CHD3: variants seen among roughly 807,000 people sequenced by gnomAD.
CHD3 encodes the protein ATP-dependent chromatin remodeler CHD3.
In CHD3, 52 loss-of-function variants were observed where a neutral mutation model predicts 248.9. That is an observed-to-expected ratio of 0.21 (90% confidence interval 0.17 to 0.26). The LOEUF (loss-of-function observed/expected upper bound fraction) is 0.26. Among genes scored for constraint, CHD3 ranks in the 10% least tolerant of loss-of-function variants. CHD3 has a pLI of 1.00. For synonymous variants in CHD3, 985 were observed against 985.2 expected (o/e 1.00, Z 0.00); for missense variants, 1,482 against 2,605.8 (o/e 0.57, Z 9.39).
rs920695994 is a variant in CHD3 at position 7,895,828 on chromosome 17, G to A, written c.1707+286G>A. On this transcript the variant is annotated intron_variant, in intron 10 of 39. Coordinates refer to ENST00000330494, the MANE Select transcript of CHD3 (RefSeq NM_001005273.3). This position sits in a 1 kb window ranked among gnomAD's most constrained non-coding sequence, Gnocchi z 4.9. ...CCATGTTTTATAATATTCCTGGCTG[G>A]GCATGGTGGCTCACACCTATAATCC... Among the ~76,000 whole-genome samples, 1 of 151,974 alleles carries A rather than the reference G, an allele frequency of 6.6e-6. No individual in the cohort carries two copies. The highest frequency in any genetic ancestry group is 2.4e-5 in the African/African-American group (1 of 41,360).
Position 7,895,489 on chromosome 17 carries a change from G to A in CHD3, c.1654G>A (p.Val552Ile). ...LQGRSEREFF[V>I]KWVGLSYWHC... ...AGGCAGATCAGAGCGAGAGTTCTTTGTCAAGTGGGTAGGACTATCCTACTG... is the reference window on the plus strand; with the variant it reads ...AGGCAGATCAGAGCGAGAGTTCTTTATCAAGTGGGTAGGACTATCCTACTG... The change falls in exon 10 of 40, where the codon GTC (valine) becomes ATC (isoleucine). Residue 552 changes from valine to isoleucine, a missense_variant. This residue lies in a region of CHD3 where 14 missense variants were observed against 58.6 expected (regional missense o/e 0.24). Transcript: ENST00000330494. The surrounding 1 kb of genome is among the most constrained non-coding windows in gnomAD (Gnocchi z 4.9). 6.2e-7 allele frequency: 1 copy of A among 1,614,088 alleles called. No individual in the cohort carries two copies. The highest frequency in any genetic ancestry group is 2.2e-5 in the East Asian group (1 of 44,860).
Position 7,911,853 on chromosome 17 carries a change from C to A in CHD3, c.*268C>A. ...GATGGCTGGCAGGGTCTTCCAAGTA[C>A]CTTCCTCCCACACTGCCAAGTATAC... On this transcript the variant is annotated 3_prime_UTR_variant, in exon 40 of 40. Coordinates refer to ENST00000330494, the MANE Select transcript of CHD3 (RefSeq NM_001005273.3). This position sits in a 1 kb window ranked among gnomAD's most constrained non-coding sequence, Gnocchi z 5.4. 1 of 919,350 alleles carries A rather than the reference C, an allele frequency of 1.1e-6. No individual in the cohort carries two copies. The highest frequency in any genetic ancestry group is 1.5e-6 in the Non-Finnish European group (1 of 648,642). The allele number at this position is 919,350 out of a possible 1,614,324, so 56.9% of individuals were successfully genotyped here. A position where few individuals can be genotyped will look rare whatever the true frequency, so the allele number is the denominator to read the frequency against.
Position 7,905,464 on chromosome 17 carries a change from G to A in CHD3, c.4139-157G>A, listed in dbSNP as rs1035418647. ...ATGACTGGTTCTTTTAGACTTAGTG[G>A]GTTAGTAGTTCTGAAGTGCTTGGGA... is the stretch of plus-strand genomic sequence containing the variant. On this transcript the variant is annotated intron_variant, in intron 26 of 39. Transcript: ENST00000330494. The surrounding 1 kb of genome is among the most constrained non-coding windows in gnomAD (Gnocchi z 5.8). Among the ~76,000 whole-genome samples the A allele has an allele frequency of 2.0e-5, 3 of 152,136 alleles. No individual in the cohort carries two copies. Among genetic ancestry groups the A allele is most frequent in the Non-Finnish European group, 4.4e-5 (3 of 68,028 alleles).
rs1291337882 is a variant in CHD3 at position 7,910,646 on chromosome 17, C to T, written c.5754+55C>T. ...TCCCTGTTTGTGTTCCTCCTGCACA[C>T]ATACAAACACTTCCATCAGAATCCT... On this transcript the variant is annotated intron_variant, in intron 38 of 39. Transcript: ENST00000330494. The surrounding 1 kb of genome is among the most constrained non-coding windows in gnomAD (Gnocchi z 4.7). The T allele has an allele frequency of 6.4e-7, 1 of 1,562,202 alleles. No homozygotes were observed. Among genetic ancestry groups the T allele is most frequent in the African/African-American group, 1.4e-5 (1 of 73,698 alleles).
Position 7,890,840 on chromosome 17 carries a change from A to G in CHD3, c.384+99A>G, listed in dbSNP as rs1209118313. On this transcript the variant is annotated intron_variant, in intron 3 of 39. Transcript: ENST00000330494. ...GGACTGGAGAATGGGGCAAGAAGCA[A>G]GAAAGCCCAGGGAAGCTAGTGGGTA... 1.4e-5 allele frequency: 22 copies of G among 1,585,152 alleles called. No individual in the cohort carries two copies. The East Asian group carries it at 2.5e-4, about 18-fold the overall frequency.
intron 21 of CHD3, 89 bp from the exon 22 acceptor site, chr17:7,902,848 C>T: frequency 6.3e-7 from 1 of 1,584,540 alleles, no homozygotes; most frequent in African/African-American, 1.3e-5. Flanking sequence ...GAGTTGGGGG[C>T]ATGGTTGTTT....
Position 7,897,914 on chromosome 17 carries a change from T to C in CHD3, c.1920-57T>C. The C allele has an allele frequency of 6.4e-7, 1 of 1,559,688 alleles. No individual in the cohort carries two copies. The highest frequency in any genetic ancestry group is 8.7e-7 in the Non-Finnish European group (1 of 1,153,678). On this transcript the variant is annotated intron_variant, in intron 11 of 39. Coordinates refer to ENST00000330494, the MANE Select transcript of CHD3 (RefSeq NM_001005273.3). This position sits in a 1 kb window ranked among gnomAD's most constrained non-coding sequence, Gnocchi z 4.8. ...TTGCGTTTCTCAGGCCTTCTTTCTG[T>C]TTGTGATCTGTGCAATATTTTCCTC...
At position 7,904,813 on chromosome 17, in the gene CHD3, T is replaced by G. The variant is rs1380219677; in HGVS notation, c.4072+194T>G. Among the ~76,000 whole-genome samples, 1 of 152,098 alleles carries G rather than the reference T, an allele frequency of 6.6e-6. No homozygotes were observed. Among genetic ancestry groups the G allele is most frequent in the Non-Finnish European group, 1.5e-5 (1 of 68,008 alleles). On this transcript the variant is annotated intron_variant, in intron 25 of 39. Coordinates refer to ENST00000330494, the MANE Select transcript of CHD3 (RefSeq NM_001005273.3). The surrounding 1 kb of genome is among the most constrained non-coding windows in gnomAD (Gnocchi z 4.4). ...TGGGTTTGCAGGAGATTTAAACTCT[T>G]CGGTGGTTGCACAGGCATCCTGTGG...
intron 2 of CHD3, 64 bp from the exon 3 acceptor site, chr17:7,890,507 T>G: frequency 8.6e-7 from 1 of 1,156,182 alleles, no homozygotes; most frequent in Non-Finnish European, 1.2e-6. Flanking sequence ...ATATGGTATG[T>G]GCTGAGAACA....
At chr17:7,884,887 G>A, upstream of CHD3, 4 of 1,364,564 alleles carry the variant, frequency 2.9e-6, no homozygotes, top group Non-Finnish European at 3.9e-6. Flanking sequence ...AGGAAGAAGA[G>A]GGCGACGAGG....
chr17:7,911,060 G>A lies in CHD3; in HGVS notation c.5881+87G>A. The stretch of plus-strand genomic sequence containing the variant: ...GCTCAGCTGCCCTTTAACTGCTCTA[G>A]TCCATCTCATTTCCTTGGTGGTATC... On this transcript the variant is annotated intron_variant, in intron 39 of 39. Transcript: ENST00000330494. The surrounding 1 kb of genome is among the most constrained non-coding windows in gnomAD (Gnocchi z 5.4). 6.4e-7 allele frequency: 1 copy of A among 1,550,730 alleles called. No individual in the cohort carries two copies. The highest frequency in any genetic ancestry group is 8.8e-7 in the Non-Finnish European group (1 of 1,135,654).
Position 7,889,504 on chromosome 17 carries a change from G to A in CHD3, c.101-160G>A, listed in dbSNP as rs527257444. Among the ~76,000 whole-genome samples, 1 of 152,290 alleles carries A rather than the reference G, an allele frequency of 6.6e-6. No homozygotes were observed. Among genetic ancestry groups the A allele is most frequent in the African/African-American group, 2.4e-5 (1 of 41,554 alleles). ...AGAACCAGAGCATCCCAGAGTACTCGAAACACTTTCTGTTTGCATCCAGTG... is the reference window on the plus strand; with the variant it reads ...AGAACCAGAGCATCCCAGAGTACTCAAAACACTTTCTGTTTGCATCCAGTG... On this transcript the variant is annotated intron_variant, in intron 1 of 39. Transcript: ENST00000330494. The surrounding 1 kb of genome is among the most constrained non-coding windows in gnomAD (Gnocchi z 4.5).
upstream of CHD3, chr17:7,888,743 C>T (rs1597911507): frequency 5.4e-5 from 66 of 1,224,530 alleles, no homozygotes; most frequent in East Asian, 1.9e-3. Flanking sequence ...CGCGTGCGCG[C>T]GCGTGCTTTT....
chr17:7,906,961 C>G lies in CHD3; in HGVS notation c.4596C>G (p.Ser1532=). The G allele has an allele frequency of 6.2e-7, 1 of 1,614,168 alleles. No homozygotes were observed. The highest frequency in any genetic ancestry group is 8.5e-7 in the Non-Finnish European group (1 of 1,180,028). ...SADSKRSSRA[S]SPTKTSPTTP... ...ATTCTAAGCGCTCCTCCAGAGCCTC[C>G]TCTCCTACCAAAACGTCTCCCACCA... Residue 1532 remains serine (S), a synonymous_variant, in exon 30 of 40, where the codon TCC becomes TCG. Transcript: ENST00000330494. The surrounding 1 kb of genome is among the most constrained non-coding windows in gnomAD (Gnocchi z 5.0).
upstream of CHD3, among the ~76,000 whole-genome samples, chr17:7,886,618 A>C (rs2073047312): frequency 6.6e-6 from 1 of 152,106 alleles, no homozygotes; most frequent in African/African-American, 2.4e-5. The surrounding 1 kb of genome is among the most constrained non-coding windows in gnomAD (Gnocchi z 4.2). Flanking sequence ...GCTTGTCTGA[A>C]AAAGGGTAAA....
chr17:7,910,376 T>C lies in CHD3; in HGVS notation c.5591-52T>C. 1 of 1,611,856 alleles carries C rather than the reference T, an allele frequency of 6.2e-7. No individual in the cohort carries two copies. Among genetic ancestry groups the C allele is most frequent in the Non-Finnish European group, 8.5e-7 (1 of 1,178,060 alleles). On this transcript the variant is annotated intron_variant, in intron 37 of 39. Coordinates refer to ENST00000330494, the MANE Select transcript of CHD3 (RefSeq NM_001005273.3). The surrounding 1 kb of genome is among the most constrained non-coding windows in gnomAD (Gnocchi z 4.7). ...GCCTCTCTTTTCCTGGCTCCATCTC[T>C]GTATTTCCCTGTCTTTCTCTTGCCC...
rs1478298193 is a variant in CHD3 at position 7,889,124 on chromosome 17, T to C, written c.100+24T>C. 1 of 1,613,950 alleles carries C rather than the reference T, an allele frequency of 6.2e-7. No individual in the cohort carries two copies. The highest frequency in any genetic ancestry group is 1.3e-5 in the African/African-American group (1 of 74,922). ...TGGTAATTATCCGAGGAAATGTAAATAGAGGCCTCCCTCTTGGCAAAAGGA... is the reference window on the plus strand; with the variant it reads ...TGGTAATTATCCGAGGAAATGTAAACAGAGGCCTCCCTCTTGGCAAAAGGA... On this transcript the variant is annotated intron_variant, in intron 1 of 39. Coordinates refer to ENST00000330494, the MANE Select transcript of CHD3 (RefSeq NM_001005273.3). The surrounding 1 kb of genome is among the most constrained non-coding windows in gnomAD (Gnocchi z 4.5).
Position 7,905,329 on chromosome 17 carries a change from T to C in CHD3, c.4138+164T>C. 4.3e-6 allele frequency: 3 copies of C among 694,886 alleles called. No individual in the cohort carries two copies. The allele number at this position is 694,886 out of a possible 1,614,324, so 43.0% of individuals were successfully genotyped here. A position where few individuals can be genotyped will look rare whatever the true frequency, so the allele number is the denominator to read the frequency against. On this transcript the variant is annotated intron_variant, in intron 26 of 39. Coordinates refer to ENST00000330494, the MANE Select transcript of CHD3 (RefSeq NM_001005273.3). The surrounding 1 kb of genome is among the most constrained non-coding windows in gnomAD (Gnocchi z 5.8). ...GAAATATTCATAGTCTCTCTGCTAG[T>C]AAACTTCGGTGTGTGTGACCACATA... is the stretch of plus-strand genomic sequence containing the variant.
chr17:7,894,866 T>C (rs749255431), intron 8 of CHD3, 51 bp from the exon 9 acceptor site: 3 of 1,600,122 alleles, frequency 1.9e-6, no homozygotes, highest in Admixed American at 3.4e-5. Context: ...TCTTCCAGTT[T>C]CATTCCTTAA....
Sources: allele counts gnomAD v4.1 joint callset (sites outside exome capture counted in the v4.1 genomes callset), GRCh38; gene constraint gnomAD v4.1.1; regional missense constraint gnomAD v4.1.1; non-coding constraint Gnocchi (gnomAD v3.1); transcripts MANE v1.5; gene names NCBI Gene and HGNC (gene_info 2026-07-23, HGNC 2026-07-21).